Variants in NBEA observed in about 807,000 individuals in gnomAD.
The protein encoded by NBEA is lysosomal-trafficking regulator 2.
A neutral mutation model predicts 343.4 loss-of-function variants in NBEA; 44 were observed. That is an observed-to-expected ratio of 0.13 (90% CI 0.10 to 0.16). NBEA has a LOEUF of 0.16. Ranked by LOEUF, NBEA falls within the 10% of genes least tolerant of loss-of-function variation. The pLI is 1.00. For synonymous variants in NBEA, 1,175 were observed against 1,238.7 expected, an observed-to-expected ratio of 0.95 and a Z score of 1.08; for missense variants, 2,555 against 3,631.3, an observed-to-expected ratio of 0.70 and a Z score of 7.62.
At chr13:35,601,563 A>G (rs1244199282) in intron 47 of NBEA, among the ~76,000 whole-genome samples, 1 of 152,054 alleles carries the variant, frequency 6.6e-6, no homozygotes, top group Non-Finnish European at 1.5e-5. Context: ...AGAGTTCAAG[A>G]CCAGCCTGGC....
intron 45 of NBEA, among the ~76,000 whole-genome samples, chr13:35,569,280 A>G (rs2080283709): frequency 6.6e-6 from 1 of 152,176 alleles, no homozygotes; most frequent in Non-Finnish European, 1.5e-5. Context: ...GTGAGGATGA[A>G]AACTGTCAAA....
In NBEA at chr13:35,098,301, A is replaced by T. The variant is rs2065442446; in HGVS notation, c.1576A>T (p.Thr526Ser). Reference sequence around the variant, plus strand: ...ATGTCTGTACTTTACATGCAGTGCTACTCTGTTGGCATTCCTGGTTGAACT... The same window carrying T: ...ATGTCTGTACTTTACATGCAGTGCTTCTCTGTTGGCATTCCTGGTTGAACT... ...DSQVETTVCATLLAFLVELLK... is the reference protein window; with the variant it reads ...DSQVETTVCASLLAFLVELLK... Residue 526 changes from threonine (T) to serine (S), a missense_variant, in exon 11 of 59, where the codon ACT becomes TCT. Physicochemically the swap from Thr to Ser is moderately conservative, Grantham distance 58 (BLOSUM62 1). Transcript: ENST00000379939. 6.4e-7 allele frequency: 1 copy of T among 1,573,736 alleles called. No individual in the cohort carries two copies. The highest frequency in any genetic ancestry group is 8.6e-7 in the Non-Finnish European group (1 of 1,156,702).
chr13:35,084,754 G>T (rs2064638784), intron 10 of NBEA, among the ~76,000 whole-genome samples: 1 of 152,066 alleles, frequency 6.6e-6, no homozygotes, highest in Non-Finnish European at 1.5e-5. Context: ...AAAGGAAATA[G>T]AGACACAAAA....
intron 36 of NBEA, among the ~76,000 whole-genome samples, chr13:35,342,015 T>C (rs2039613228): frequency 6.6e-6 from 1 of 152,162 alleles, no homozygotes; most frequent in Non-Finnish European, 1.5e-5. Flanking sequence ...ATGCATAAAA[T>C]GGGATATTGT....
chr13:35,026,827 A>G (rs566838046), intron 1 of NBEA, among the ~76,000 whole-genome samples: 1 of 152,254 alleles, frequency 6.6e-6, no homozygotes, highest in African/African-American at 2.4e-5. Flanking sequence ...GTTAGCTGAT[A>G]TTTTGACAGT....
intron 6 of NBEA, among the ~76,000 whole-genome samples, chr13:35,055,636 T>C (rs2063226710): frequency 6.6e-6 from 1 of 152,206 alleles, no homozygotes; most frequent in Non-Finnish European, 1.5e-5. Context: ...CATATATATT[T>C]CTTTTACTAG....
At chr13:35,556,227 C>T (rs1264899281) in intron 44 of NBEA, among the ~76,000 whole-genome samples, 1 of 151,876 alleles carries the variant, frequency 6.6e-6, no homozygotes, top group East Asian at 1.9e-4. Context: ...TTAATTAGCA[C>T]ATTATTTATA....
At chr13:35,647,843 G>T (rs889099543) in intron 51 of NBEA, among the ~76,000 whole-genome samples, 8 of 152,066 alleles carry the variant, frequency 5.3e-5, no homozygotes, top group African/African-American at 1.7e-4. Flanking sequence ...GGGATTACAG[G>T]TGTGAGTCAC....
chr13:35,598,578 G>A (rs933759094), intron 47 of NBEA, among the ~76,000 whole-genome samples: 2 of 152,200 alleles, frequency 1.3e-5, no homozygotes, highest in Admixed American at 6.5e-5. Flanking sequence ...TAGCCTTTCT[G>A]TGTATCAAAT....
chr13:35,326,707 C>T (rs2038584908), intron 36 of NBEA, among the ~76,000 whole-genome samples: 1 of 151,954 alleles, frequency 6.6e-6, no homozygotes, highest in Non-Finnish European at 1.5e-5. Context: ...GCATTCATGT[C>T]CCGTTCCAGT....
At chr13:34,992,773 C>T (rs2060806348) in intron 1 of NBEA, among the ~76,000 whole-genome samples, 1 of 151,184 alleles carries the variant, frequency 6.6e-6, no homozygotes, top group Admixed American at 6.6e-5. Context: ...CCCAGATTCA[C>T]ACCATTCTCC....
chr13:35,059,049 T>A (rs1311378014), intron 8 of NBEA, among the ~76,000 whole-genome samples, 186 bp downstream of exon 8: 1 of 152,116 alleles, frequency 6.6e-6, no homozygotes, highest in Non-Finnish European at 1.5e-5. Context: ...TATAAACTTT[T>A]ATTCTTCAGA....
intron 10 of NBEA, among the ~76,000 whole-genome samples, chr13:35,073,864 C>T (rs1232855113): frequency 6.6e-6 from 1 of 152,034 alleles, no homozygotes; most frequent in African/African-American, 2.4e-5. Context: ...ATCACTTGAG[C>T]CCAGGAGGTG....
In NBEA at chr13:35,574,409, A is replaced by C. The variant is rs879598128; in HGVS notation, c.7035+7392A>C. On this transcript the variant is annotated intron_variant, in intron 45 of 58. Transcript: ENST00000379939. Reference sequence around the variant, plus strand: ...AAAAAAGAAAAACAAAAGAAAAAAAACAAGGAAAGAAAAAGAAAAAAGAAA... The same window carrying C: ...AAAAAAGAAAAACAAAAGAAAAAAACCAAGGAAAGAAAAAGAAAAAAGAAA... Among the ~76,000 whole-genome samples the C allele has an allele frequency of 7.4e-5, 9 of 121,604 alleles. 1 individual carries two copies. Among genetic ancestry groups the C allele is most frequent in the Admixed American group, 6.8e-4 (9 of 13,214 alleles). 79.8% of individuals were successfully genotyped at this position (121,604 alleles called of 152,430 possible).
rs573111798 is a variant in NBEA, at chr13:35,476,432, C to T, written c.6585+3896C>T. Reference sequence around the variant, plus strand: ...CCTCCCCCCTCTGCTTGTCTCTCTTCCTCTTTTAAAGAATCCTTGTGTGAG... The same window carrying T: ...CCTCCCCCCTCTGCTTGTCTCTCTTTCTCTTTTAAAGAATCCTTGTGTGAG... On this transcript the variant is annotated intron_variant, in intron 41 of 58. Coordinates refer to ENST00000379939, the MANE Select transcript of NBEA (RefSeq NM_001385012.1). 1.5e-4 allele frequency: 142 copies of T among 948,808 alleles called. 4 individuals are homozygous for T. In the South Asian group the frequency reaches 1.8e-3, roughly 12 times the overall value. The allele number at this position is 948,808 out of a possible 1,614,324, so 58.8% of individuals were successfully genotyped here.
At chr13:35,013,834 CT>C (rs1168184973) in intron 1 of NBEA, among the ~76,000 whole-genome samples, 4 of 151,912 alleles carry the variant, frequency 2.6e-5, no homozygotes, top group Non-Finnish European at 4.4e-5. Flanking sequence ...ATTTTCAGTT[CT>C]TTTTTTTCCT....
At chr13:35,605,565 G>T (rs2082249469) in intron 47 of NBEA, among the ~76,000 whole-genome samples, 1 of 152,138 alleles carries the variant, frequency 6.6e-6, no homozygotes, top group African/African-American at 2.4e-5. Flanking sequence ...GAAAAAAGAT[G>T]ATCAGGATGG....
chr13:35,184,071 G>C lies in NBEA; in HGVS notation c.4927G>C (p.Glu1643Gln). ...EQSFGHSFYK[E>Q]TPAAFPDTIK... ...GAGCTTTGGCCACTCATTTTACAAA[G>C]GTAATACTGACCTCATCTCCTGACC... Residue 1643 changes from glutamate (E) to glutamine (Q), a missense_variant and splice_region_variant, in exon 30 of 59, where the codon GAA becomes CAA. By Grantham distance (29) the Glu-to-Gln change is conservative. Coordinates refer to ENST00000379939, the MANE Select transcript of NBEA (RefSeq NM_001385012.1). 6.2e-7 allele frequency: 1 copy of C among 1,602,802 alleles called. No homozygotes were observed. Among genetic ancestry groups the C allele is most frequent in the Non-Finnish European group, 8.5e-7 (1 of 1,171,296 alleles).
chr13:35,047,318 A>G (rs2062895709), intron 4 of NBEA, among the ~76,000 whole-genome samples: 1 of 151,878 alleles, frequency 6.6e-6, no homozygotes, highest in African/African-American at 2.4e-5. Flanking sequence ...TGCTTGGAGT[A>G]GATTACATTC....
Sources: allele counts gnomAD v4.1 joint callset (sites outside exome capture counted in the v4.1 genomes callset), GRCh38; gene constraint gnomAD v4.1.1; transcripts MANE v1.5; gene names NCBI Gene and HGNC (gene_info 2026-07-23, HGNC 2026-07-21).